The following WWTR1 variants were observed in gnomAD, a reference collection of about 807,000 sequenced individuals.
WWTR1 encodes WW domain containing transcription regulator 1, also known as WW domain-containing transcription regulator protein 1.
Under a neutral mutation model 40.1 loss-of-function variants are expected in WWTR1, and 13 were observed. The ratio of observed to expected loss-of-function variants is 0.32; its 90% CI spans 0.21 to 0.52. The LOEUF is 0.52. WWTR1 is among the 20% of genes least tolerant of loss of function. The pLI is 0.97. For synonymous variants in WWTR1, 230 were observed against 210.1 expected, an observed-to-expected ratio of 1.09 and a Z score of -0.82; for missense variants, 436 against 523.1, an observed-to-expected ratio of 0.83 and a Z score of 1.63.
chr3:149,667,139 AT>A (rs1258218242), intron 2 of WWTR1, among the ~76,000 whole-genome samples: 1 of 152,204 alleles, frequency 6.6e-6, no homozygotes, highest in Non-Finnish European at 1.5e-5. Context: ...GTGAATCATT[AT>A]TTCTAATTAA....
At chr3:149,608,299 A>G (rs1739575167) in intron 2 of WWTR1, among the ~76,000 whole-genome samples, 1 of 151,916 alleles carries the variant, frequency 6.6e-6, no homozygotes, top group African/African-American at 2.4e-5. Context: ...TTTCACACAC[A>G]TGCACACACA....
chr3:149,724,236 T>A (rs538875966), intron 3 of WWTR1: 4 of 152,280 alleles, frequency 2.6e-5, no homozygotes, highest in Admixed American at 1.3e-4. Flanking sequence ...GTAAAGAGAA[T>A]GATATAATGA....
intron 4 of WWTR1, among the ~76,000 whole-genome samples, chr3:149,722,877 T>C (rs1003518667): frequency 1.3e-5 from 2 of 152,098 alleles, no homozygotes; most frequent in Admixed American, 6.6e-5. Flanking sequence ...TTTTAGGTTT[T>C]CTATTTCTTT....
chr3:149,599,413 C>T (rs1210680985), intron 2 of WWTR1, among the ~76,000 whole-genome samples: 1 of 152,224 alleles, frequency 6.6e-6, no homozygotes, highest in Non-Finnish European at 1.5e-5. Context: ...GCACTGTTTG[C>T]AAATGGCTGG....
At chr3:149,526,229 T>C (rs546234911) in intron 5 of WWTR1, 104 bp from the exon 6 acceptor site, 7 of 688,774 alleles carry the variant, frequency 1.0e-5, no homozygotes, top group African/African-American at 1.9e-5. Flanking sequence ...TGTGCCATGC[T>C]GCCCAACTTT....
chr3:149,624,769 G>A (rs547897072), intron 2 of WWTR1, among the ~76,000 whole-genome samples: 41 of 150,498 alleles, frequency 2.7e-4, no homozygotes, highest in Non-Finnish European at 4.6e-4. Flanking sequence ...GCGTGACCTC[G>A]GCTCACCACA....
rs1318929801 is a variant in WWTR1, at chr3:149,551,520, TA to T, written c.569-8984del. ...TCATCAGAAACACTTTCCAGGAACC[TA>T]AACCCAACATGAGAGGGGAGCATAA... is the stretch of plus-strand genomic sequence containing the variant. On this transcript the variant is annotated intron_variant, in intron 3 of 6. Transcript: ENST00000360632. Among the ~76,000 whole-genome samples the T allele has an allele frequency of 1.4e-5, 2 of 145,632 alleles. 1 individual carries two copies. The highest frequency in any genetic ancestry group is 5.2e-5 in the African/African-American group (2 of 38,366).
intron 1 of WWTR1, among the ~76,000 whole-genome samples, chr3:149,687,005 T>G (rs1714677978): frequency 6.6e-6 from 1 of 152,202 alleles, no homozygotes; most frequent in African/African-American, 2.4e-5. Context: ...CCCTCAGGAA[T>G]ATGTTTGAAG....
rs548006937 is a variant in WWTR1 at position 149,566,817 on chromosome 3, A to G, written c.568+6047T>C. ...TGAAAAGTATGCCCTGAAAAGAAAA[A>G]AAAAAAAAAACACACATGTGTTTAT... On this transcript the variant is annotated intron_variant, in intron 3 of 6. Coordinates refer to ENST00000360632, the MANE Select transcript of WWTR1 (RefSeq NM_015472.6). Among the ~76,000 whole-genome samples the G allele has an allele frequency of 5.1e-4, 77 of 152,082 alleles. 1 individual carries two copies. Among genetic ancestry groups the G allele is most frequent in the Non-Finnish European group, 8.8e-4 (60 of 67,990 alleles).
chr3:149,572,060 C>G (rs1030651635), intron 3 of WWTR1, among the ~76,000 whole-genome samples: 19 of 152,130 alleles, frequency 1.2e-4, no homozygotes, highest in African/African-American at 4.3e-4. Flanking sequence ...TATTATCCCA[C>G]GGCAGGTATG....
intron 4 of WWTR1, among the ~76,000 whole-genome samples, chr3:149,723,044 C>T (rs1715791464): frequency 6.6e-6 from 1 of 151,588 alleles, no homozygotes; most frequent in Non-Finnish European, 1.5e-5. Flanking sequence ...ATTTTTTTTC[C>T]CCCTTTAACC....
chr3:149,674,849 C>A (rs1370794959), intron 1 of WWTR1, among the ~76,000 whole-genome samples: 1 of 152,088 alleles, frequency 6.6e-6, no homozygotes, highest in East Asian at 1.9e-4. Context: ...CCTTCTAACT[C>A]TTATATTCTA....
At chr3:149,639,900 A>T (rs1712052417) in intron 2 of WWTR1, among the ~76,000 whole-genome samples, 1 of 151,812 alleles carries the variant, frequency 6.6e-6, no homozygotes, top group African/African-American at 2.4e-5. Flanking sequence ...AGGCTGAGGC[A>T]AGAGAACGTT....
chr3:149,530,354 A>G (rs6770475), intron 4 of WWTR1, among the ~76,000 whole-genome samples: 2 of 72,480 alleles, frequency 2.8e-5, no homozygotes, highest in African/African-American at 1.1e-4. Flanking sequence ...TCTCAAAAAA[A>G]GAAAAAAAAA....
intron 2 of WWTR1, among the ~76,000 whole-genome samples, chr3:149,596,624 AG>A (rs1201184223): frequency 2.6e-5 from 4 of 152,226 alleles, no homozygotes; most frequent in Non-Finnish European, 4.4e-5. Context: ...CTGAGGACAG[AG>A]GCTGAAGAGC....
At chr3:149,681,617 C>T (rs1714460678) in intron 1 of WWTR1, among the ~76,000 whole-genome samples, 1 of 152,106 alleles carries the variant, frequency 6.6e-6, no homozygotes, top group Non-Finnish European at 1.5e-5. Flanking sequence ...GAAATATTTG[C>T]ACTCCTATGT....
rs559051053 is a variant in WWTR1, at chr3:149,521,736, T to C, written c.1019-747A>G. Among the ~76,000 whole-genome samples, 462 of 152,312 alleles carry C rather than the reference T, an allele frequency of 3.0e-3. 4 individuals carry two copies. Among genetic ancestry groups the C allele is most frequent in the Non-Finnish European group, 5.0e-3 (341 of 68,026 alleles). Reference sequence around the variant, plus strand: ...AGAGGAAAAGTAGGTGTCTGGGATATGACATGAAGAATATAGGTTCTTTAT... The same window carrying C: ...AGAGGAAAAGTAGGTGTCTGGGATACGACATGAAGAATATAGGTTCTTTAT... On this transcript the variant is annotated intron_variant, in intron 6 of 6. Transcript: ENST00000360632.
chr3:149,717,534 C>T (rs1052671442), exon 5 of WWTR1: 7 of 152,122 alleles, frequency 4.6e-5, no homozygotes, highest in African/African-American at 1.2e-4. Flanking sequence ...TAAGCTTCTT[C>T]GAGGTGCCAG....
chr3:149,653,720 A>G (rs80275947), intron 2 of WWTR1, among the ~76,000 whole-genome samples: 6,425 of 152,216 alleles, frequency 0.042, 449 homozygotes, highest in African/African-American at 0.15. Context: ...TTGTTTAGCT[A>G]AGGAAGTGAC....
Sources: allele counts gnomAD v4.1 joint callset (sites outside exome capture counted in the v4.1 genomes callset), GRCh38; gene constraint gnomAD v4.1.1; transcripts MANE v1.5; gene names NCBI Gene and HGNC (gene_info 2026-07-23, HGNC 2026-07-21).